The following CDH13 variants were observed in gnomAD, a reference collection of about 807,000 sequenced individuals.
CDH13 encodes cadherin-13.
Under a neutral mutation model 63.8 loss-of-function variants are expected in CDH13, and 24 were observed. The ratio of observed to expected loss-of-function variants is 0.38; its 90% CI spans 0.27 to 0.53. CDH13 has a LOEUF of 0.53. Among genes scored for constraint, CDH13 ranks in the 20% least tolerant of loss-of-function variants. The pLI, the probability that CDH13 is intolerant of heterozygous loss-of-function variation, is 0.85. For synonymous variants in CDH13, 503 were observed against 355.3 expected (o/e 1.42, Z -4.67); for missense variants, 1,049 against 903.1 (o/e 1.16, Z -2.07).
At chr16:82,719,382 G>C (rs543378877) in intron 1 of CDH13, 1 of 455,942 alleles carries the variant, frequency 2.2e-6, no homozygotes, top group East Asian at 7.0e-5. Flanking sequence ...CTGTGTGCAA[G>C]TCCCAGTTCC....
intron 6 of CDH13, among the ~76,000 whole-genome samples, chr16:83,352,508 C>T (rs1234011432): frequency 6.6e-6 from 1 of 152,192 alleles, no homozygotes; most frequent in Non-Finnish European, 1.5e-5. Context: ...ATCAAAAAAA[C>T]ACCTGCACTC....
At chr16:82,640,889 T>A (rs1372284967) in intron 1 of CDH13, among the ~76,000 whole-genome samples, 1 of 152,244 alleles carries the variant, frequency 6.6e-6, no homozygotes, top group Non-Finnish European at 1.5e-5. Context: ...TTTAAGGCAC[T>A]TTTGCTACCC....
At chr16:82,893,936 C>G (rs922571525) in intron 2 of CDH13, among the ~76,000 whole-genome samples, 1 of 152,194 alleles carries the variant, frequency 6.6e-6, no homozygotes, top group South Asian at 2.1e-4. Context: ...TCAGTAACCT[C>G]CCACATGTTT....
intron 10 of CDH13, among the ~76,000 whole-genome samples, chr16:83,731,437 A>G (rs1911034416): frequency 1.3e-5 from 2 of 152,090 alleles, no homozygotes; most frequent in African/African-American, 4.8e-5. Flanking sequence ...ATTTCTTCAT[A>G]TGTTTGTTGA....
At chr16:83,021,046 C>T (rs759643542) in intron 2 of CDH13, among the ~76,000 whole-genome samples, 2 of 152,166 alleles carry the variant, frequency 1.3e-5, no homozygotes, top group African/African-American at 2.4e-5. Flanking sequence ...TTGTCAGAGA[C>T]GTGTGCCAGT....
chr16:82,813,586 G>C (rs184244481), intron 1 of CDH13, among the ~76,000 whole-genome samples: 1 of 152,102 alleles, frequency 6.6e-6, no homozygotes. Flanking sequence ...GTGTCTTCCC[G>C]GAGGCTGCTT....
intron 5 of CDH13, among the ~76,000 whole-genome samples, chr16:83,238,367 C>G (rs766770080): frequency 6.6e-6 from 1 of 152,142 alleles, no homozygotes. Context: ...TTTATAAAAC[C>G]ATCAGATCTT....
chr16:82,809,513 G>T (rs1395642240), intron 1 of CDH13, among the ~76,000 whole-genome samples: 1 of 152,124 alleles, frequency 6.6e-6, no homozygotes, highest in Non-Finnish European at 1.5e-5. Flanking sequence ...AAGCGTGTAA[G>T]TGATGACGCT....
rs553114884 is a variant in CDH13 at position 82,634,552 on chromosome 16, C to T, written c.45+7415C>T. Among the ~76,000 whole-genome samples the T allele has an allele frequency of 2.8e-4, 42 of 152,326 alleles. 2 individuals carry two copies. Among genetic ancestry groups the T allele is most frequent in the South Asian group, 2.3e-3 (11 of 4,828 alleles). On this transcript the variant is annotated intron_variant, in intron 1 of 13. Coordinates refer to ENST00000567109, the MANE Select transcript of CDH13 (RefSeq NM_001257.5). ...TGGCCCGTGAGCCAATTTCTCCCTG[C>T]AGTCTGGTTTTATAAATAGTTTTAT...
chr16:83,531,875 G>C (rs1349528921), intron 7 of CDH13, among the ~76,000 whole-genome samples: 1 of 152,144 alleles, frequency 6.6e-6, no homozygotes. Flanking sequence ...AACAGTTTGT[G>C]GTAATTTGTT....
At chr16:82,761,013 CTTTCTTTTTTTTTT>C (rs2034819297) in intron 1 of CDH13, among the ~76,000 whole-genome samples, 1 of 43,576 alleles carries the variant, frequency 2.3e-5, no homozygotes, top group Admixed American at 3.6e-4. Context: ...ACATTTCTTT[CTTTCTTTTTTTTTT>C]TTTTTTTTTT....
intron 3 of CDH13, among the ~76,000 whole-genome samples, chr16:83,044,442 C>G (rs1046059872): frequency 3.9e-5 from 6 of 152,172 alleles, no homozygotes; most frequent in Non-Finnish European, 2.9e-5. Context: ...TGGGCAAGCC[C>G]TGTATTGTCA....
chr16:83,519,769 G>A (rs148346459), intron 7 of CDH13, among the ~76,000 whole-genome samples: 1 of 152,154 alleles, frequency 6.6e-6, no homozygotes, highest in Non-Finnish European at 1.5e-5. Context: ...AAGCAGCATG[G>A]CAAAGGTACA....
intron 2 of CDH13, among the ~76,000 whole-genome samples, chr16:83,022,549 C>G (rs538763358): frequency 1.5e-3 from 226 of 152,306 alleles, no homozygotes; most frequent in Non-Finnish European, 2.5e-3. Context: ...CAACTCGAGA[C>G]TTTTTCCAAG....
At chr16:83,313,518 AGT>A (rs2151887746) in intron 5 of CDH13, among the ~76,000 whole-genome samples, 1 of 152,208 alleles carries the variant, frequency 6.6e-6, no homozygotes, top group Non-Finnish European at 1.5e-5. Flanking sequence ...AGCCAAATAG[AGT>A]GTGTCTGCCA....
At chr16:82,746,085 T>C (rs1265533542) in intron 1 of CDH13, among the ~76,000 whole-genome samples, 1 of 152,010 alleles carries the variant, frequency 6.6e-6, no homozygotes, top group East Asian at 1.9e-4. Flanking sequence ...TATCTATGTC[T>C]TTCTATTTCT....
intron 4 of CDH13, among the ~76,000 whole-genome samples, chr16:83,172,831 T>C (rs982045768): frequency 4.6e-5 from 7 of 152,104 alleles, no homozygotes; most frequent in African/African-American, 1.7e-4. Context: ...TCCTTCTGAA[T>C]GTGGATCGTT....
intron 1 of CDH13, among the ~76,000 whole-genome samples, chr16:82,769,207 G>A (rs1406196440): frequency 6.6e-6 from 1 of 152,078 alleles, no homozygotes; most frequent in Non-Finnish European, 1.5e-5. Flanking sequence ...TAATCTCCCT[G>A]GTAATTATCC....
chr16:82,663,747 C>G lies in CDH13; in HGVS notation c.45+36610C>G, dbSNP rs1272017497. On this transcript the variant is annotated intron_variant, in intron 1 of 13. Transcript: ENST00000567109. ...ATTCGTGTCCATTTGGTTTCTAGGT[C>G]CAGCCAAAGAGCCCACATAAGAACC... Among the ~76,000 whole-genome samples the G allele has an allele frequency of 2.0e-5, 3 of 152,144 alleles. No individual in the cohort carries two copies. In the East Asian group the frequency reaches 5.8e-4, roughly 29 times the overall value.
Sources: allele counts gnomAD v4.1 joint callset (sites outside exome capture counted in the v4.1 genomes callset), GRCh38; gene constraint gnomAD v4.1.1; transcripts MANE v1.5; gene names NCBI Gene and HGNC (gene_info 2026-07-23, HGNC 2026-07-21).